The following CAB39L variants were observed in gnomAD, a reference collection of about 807,000 sequenced individuals.
CAB39L encodes the protein calcium binding protein 39 like.
Under a neutral mutation model 39.1 loss-of-function variants are expected in CAB39L, and 23 were observed. The observed-to-expected ratio is 0.59, with a 90% confidence interval of 0.42 to 0.83. The LOEUF (loss-of-function observed/expected upper bound fraction) is 0.83, where lower values mean the gene tolerates loss of function less well. CAB39L is among the 40% of genes least tolerant of loss of function. The pLI is 0.00. For synonymous variants in CAB39L, 126 were observed against 137.2 expected (o/e 0.92, Z 0.57); for missense variants, 366 against 391.9 (o/e 0.93, Z 0.56).
At chr13:49,388,588 A>G (rs1326993747) in intron 3 of CAB39L, among the ~76,000 whole-genome samples, 1 of 152,214 alleles carries the variant, frequency 6.6e-6, no homozygotes, top group Non-Finnish European at 1.5e-5. Context: ...TATATTTACT[A>G]AAAATGGAAC....
chr13:49,393,150 A>C (rs1956526510), intron 3 of CAB39L: 1 of 152,178 alleles, frequency 6.6e-6, no homozygotes, highest in Admixed American at 6.5e-5. Flanking sequence ...TTAACAGACA[A>C]TATGATTATA....
chr13:49,373,408 T>A (rs1955975018), intron 5 of CAB39L, among the ~76,000 whole-genome samples: 1 of 152,204 alleles, frequency 6.6e-6, no homozygotes, highest in Non-Finnish European at 1.5e-5. Context: ...TCTCCTAGGT[T>A]ATCTGGCAAA....
intron 9 of CAB39L, among the ~76,000 whole-genome samples, chr13:49,334,000 C>T (rs948347139): frequency 4.6e-5 from 7 of 152,162 alleles, no homozygotes; most frequent in Admixed American, 1.3e-4. Flanking sequence ...TGCCCTCCTC[C>T]GGTTGGGAAG....
At chr13:49,399,999 A>G (rs1026754891) in intron 3 of CAB39L, among the ~76,000 whole-genome samples, 4 of 152,084 alleles carry the variant, frequency 2.6e-5, no homozygotes, top group Admixed American at 2.6e-4. Context: ...CCCACAAAAC[A>G]AAACCTGTTT....
chr13:49,320,874 G>C (rs1443964549), intron 10 of CAB39L, among the ~76,000 whole-genome samples: 1 of 152,216 alleles, frequency 6.6e-6, no homozygotes, highest in African/African-American at 2.4e-5. Flanking sequence ...TGTTAAATCT[G>C]CAAGCTGGTT....
chr13:49,388,312 C>T (rs777268482), intron 3 of CAB39L, among the ~76,000 whole-genome samples: 4 of 152,220 alleles, frequency 2.6e-5, no homozygotes, highest in East Asian at 1.9e-4. Flanking sequence ...CTTGATCATT[C>T]GAACGATTTT....
chr13:49,364,641 T>C (rs1955724974), intron 5 of CAB39L, among the ~76,000 whole-genome samples: 2 of 152,142 alleles, frequency 1.3e-5, no homozygotes, highest in South Asian at 2.1e-4. Context: ...CATTTCTATA[T>C]GCTAACAGTG....
At chr13:49,374,875 C>T (rs1045325564) in intron 5 of CAB39L, among the ~76,000 whole-genome samples, 7 of 152,152 alleles carry the variant, frequency 4.6e-5, no homozygotes, top group African/African-American at 1.7e-4. Flanking sequence ...CTAACTCAAG[C>T]GTACTTATGA....
chr13:49,334,840 G>A (rs1397284535), intron 9 of CAB39L, among the ~76,000 whole-genome samples: 2 of 152,110 alleles, frequency 1.3e-5, no homozygotes, highest in East Asian at 3.9e-4. Context: ...TCAAGATGAA[G>A]GGTAACCTGT....
At chr13:49,404,444 GAA>G (rs76373709) in intron 3 of CAB39L, among the ~76,000 whole-genome samples, 65 of 136,288 alleles carry the variant, frequency 4.8e-4, no homozygotes, top group African/African-American at 1.7e-3. Context: ...GAGAGGTCTG[GAA>G]AAAAAAAAAA....
chr13:49,324,495 C>T (rs1016654331), intron 10 of CAB39L, among the ~76,000 whole-genome samples: 4 of 152,138 alleles, frequency 2.6e-5, no homozygotes, highest in Admixed American at 6.6e-5. Flanking sequence ...GCTCGCAAAG[C>T]GCTTCTACGA....
intron 9 of CAB39L, among the ~76,000 whole-genome samples, chr13:49,333,552 ATTTC>A (rs1325511943): frequency 1.0e-4 from 14 of 134,508 alleles, no homozygotes; most frequent in Non-Finnish European, 2.2e-4. Context: ...CTAGACCCAC[ATTTC>A]TTTCTTTCTT....
At chr13:49,439,854 A>G (rs948759481) in intron 1 of CAB39L, among the ~76,000 whole-genome samples, 1 of 131,352 alleles carries the variant, frequency 7.6e-6, no homozygotes, top group African/African-American at 2.9e-5. Flanking sequence ...ACATTTTTTC[A>G]TCTGTTTATT....
chr13:49,396,700 T>C (rs1956640322), intron 3 of CAB39L, among the ~76,000 whole-genome samples: 1 of 151,936 alleles, frequency 6.6e-6, no homozygotes, highest in Non-Finnish European at 1.5e-5. Context: ...ATAGCGAGAT[T>C]CCATCTCAAA....
rs138207448 is a variant in CAB39L at position 49,309,562 on chromosome 13, C to T, written c.*1252G>A. On this transcript the variant is annotated 3_prime_UTR_variant, in exon 11 of 11. Coordinates refer to ENST00000409308, the MANE Select transcript of CAB39L (RefSeq NM_001079670.3). ...TGTGCCTTTCATTCTTGTAAAATAT[C>T]GCTTTAAAATCCCGTTTTAGATGGT... The T allele has an allele frequency of 3.9e-5, 6 of 152,206 alleles. No individual in the cohort carries two copies. The highest frequency in any genetic ancestry group is 7.3e-5 in the Non-Finnish European group (5 of 68,034). 9.4% of individuals were successfully genotyped at this position (152,206 alleles called of 1,614,324 possible). A position where few individuals can be genotyped will look rare whatever the true frequency, so the allele number is the denominator to read the frequency against.
chr13:49,372,918 C>T (rs1463401215), intron 5 of CAB39L, among the ~76,000 whole-genome samples: 2 of 152,152 alleles, frequency 1.3e-5, no homozygotes, highest in Non-Finnish European at 2.9e-5. Flanking sequence ...TGTGATCCGC[C>T]CGCCTCGGCC....
chr13:49,355,569 T>A (rs947094644), intron 6 of CAB39L, among the ~76,000 whole-genome samples: 4 of 152,078 alleles, frequency 2.6e-5, no homozygotes, highest in African/African-American at 9.7e-5. Context: ...TTGGGTGGCA[T>A]ATCTCGTTAC....
chr13:49,339,644 C>T (rs554798286), intron 9 of CAB39L, 33 bp downstream of exon 9: 77 of 1,525,260 alleles, frequency 5.0e-5, no homozygotes, highest in Admixed American at 1.3e-4. Context: ...TATAAACTTA[C>T]GGGGACACTG....
At chr13:49,334,597 G>T (rs1226066337) in intron 9 of CAB39L, among the ~76,000 whole-genome samples, 1 of 152,190 alleles carries the variant, frequency 6.6e-6, no homozygotes, top group Non-Finnish European at 1.5e-5. Context: ...GCTTTGCCTT[G>T]TAGTGCAGAG....
Sources: allele counts gnomAD v4.1 joint callset (sites outside exome capture counted in the v4.1 genomes callset), GRCh38; gene constraint gnomAD v4.1.1; transcripts MANE v1.5; gene names NCBI Gene and HGNC (gene_info 2026-07-23, HGNC 2026-07-21).